Variants in SPTSSB observed in about 807,000 individuals in gnomAD.
The protein encoded by SPTSSB is serine palmitoyltransferase small subunit B.
A neutral mutation model predicts 7.7 loss-of-function variants in SPTSSB; 6 were observed. That is an observed-to-expected ratio of 0.78 (90% CI 0.43 to 1.54). SPTSSB has a LOEUF of 1.54. SPTSSB is among the 40% of genes most tolerant of loss of function. The pLI is 0.01. For missense variants in SPTSSB, 91 were observed against 93.0 expected (o/e 0.98, Z 0.09); for synonymous variants, 28 against 29.7 (o/e 0.94, Z 0.19).
chr3:161,355,065 G>C (rs2108159951), intron 2 of SPTSSB, among the ~76,000 whole-genome samples: 1 of 152,282 alleles, frequency 6.6e-6, no homozygotes, highest in East Asian at 1.9e-4. Flanking sequence ...TGCTTCTGCT[G>C]TCCTTTCACT....
At position 161,363,036 on chromosome 3, in the gene SPTSSB, T is replaced by C. The variant is rs560021945; in HGVS notation, c.-125-3142A>G. On this transcript the variant is annotated intron_variant, in intron 1 of 2. Transcript: ENST00000620149. ...ACCAAATTAATTTATCATTTTAAAA[T>C]AAGGTGTCAATTATGTTCTTAAGAG... 1.4e-3 allele frequency among the ~76,000 whole-genome samples: 212 copies of C among 152,070 alleles called. 1 individual carries two copies. Among genetic ancestry groups the C allele is most frequent in the Non-Finnish European group, 1.8e-3 (121 of 67,904 alleles).
In SPTSSB at chr3:161,371,381, C is replaced by T. The variant is rs572442430; in HGVS notation, c.-126+54G>A. 3.7e-5 allele frequency: 36 copies of T among 977,188 alleles called. No individual in the cohort carries two copies. In the African/African-American group the frequency reaches 5.1e-4, roughly 14 times the overall value. 60.5% of individuals were successfully genotyped at this position (977,188 alleles called of 1,614,324 possible). ...TTTTCCTCCTATAGAGACAGGAATT[C>T]TATCCTACTAAAGCTACTTAACAGT... is the stretch of plus-strand genomic sequence containing the variant. On this transcript the variant is annotated intron_variant, in intron 1 of 2. Transcript: ENST00000620149.
chr3:161,356,728 C>T (rs745557691), intron 2 of SPTSSB, among the ~76,000 whole-genome samples: 1 of 152,182 alleles, frequency 6.6e-6, no homozygotes, highest in Non-Finnish European at 1.5e-5. Flanking sequence ...TGACTGACAA[C>T]ATTGAACTTT....
intron 2 of SPTSSB, among the ~76,000 whole-genome samples, chr3:161,356,498 G>A (rs542827128): frequency 6.6e-6 from 1 of 152,270 alleles, no homozygotes; most frequent in East Asian, 1.9e-4. Context: ...AGCAAATCTG[G>A]TTGTATAAGG....
intron 2 of SPTSSB, among the ~76,000 whole-genome samples, chr3:161,351,838 A>G: frequency 6.6e-6 from 1 of 152,212 alleles, no homozygotes; most frequent in East Asian, 1.9e-4. Context: ...GAAAAATCCA[A>G]CTTTAAGGCT....
At chr3:161,349,402 T>A (rs562521377) in intron 2 of SPTSSB, among the ~76,000 whole-genome samples, 4 of 152,328 alleles carry the variant, frequency 2.6e-5, no homozygotes, top group African/African-American at 9.6e-5. Context: ...AGTCCTAAAT[T>A]TTCACAGTGA....
chr3:161,364,762 A>G (rs1715151289), intron 1 of SPTSSB, among the ~76,000 whole-genome samples: 1 of 152,072 alleles, frequency 6.6e-6, no homozygotes, highest in Non-Finnish European at 1.5e-5. Flanking sequence ...ATGAGGCACA[A>G]TTAGAATGTT....
intron 1 of SPTSSB, among the ~76,000 whole-genome samples, chr3:161,367,215 G>T (rs1262264448): frequency 6.6e-6 from 1 of 152,102 alleles, no homozygotes; most frequent in Non-Finnish European, 1.5e-5. Context: ...TAAATAAATT[G>T]CTGGACATTA....
Position 161,344,961 on chromosome 3 carries a change from A to G in SPTSSB, c.*1132T>C, listed in dbSNP as rs1318961385. On this transcript the variant is annotated 3_prime_UTR_variant, in exon 3 of 3. Transcript: ENST00000620149. ...ACCTTGGAAAAATTTTTTTCATAAC[A>G]CAAACAAGGGTGCAAATATTGTCCA... 6.6e-6 allele frequency: 1 copy of G among 152,608 alleles called. No individual in the cohort carries two copies. Among genetic ancestry groups the G allele is most frequent in the Non-Finnish European group, 1.5e-5 (1 of 68,040 alleles). The allele number at this position is 152,608 out of a possible 1,614,324, so 9.5% of individuals were successfully genotyped here.
At chr3:161,365,620 AT>A (rs1354380712) in intron 1 of SPTSSB, among the ~76,000 whole-genome samples, 1 of 152,224 alleles carries the variant, frequency 6.6e-6, no homozygotes, top group Non-Finnish European at 1.5e-5. Context: ...CTCAATCAAA[AT>A]TTGTTGAATG....
At chr3:161,356,878 G>A (rs1288834836) in intron 2 of SPTSSB, among the ~76,000 whole-genome samples, 1 of 152,024 alleles carries the variant, frequency 6.6e-6, no homozygotes, top group Admixed American at 6.6e-5. Context: ...GCACTTTGAG[G>A]GGCTGAGGTG....
intron 2 of SPTSSB, among the ~76,000 whole-genome samples, chr3:161,358,358 T>G (rs1272356960): frequency 6.6e-6 from 1 of 152,136 alleles, no homozygotes. Context: ...TGGGCTCTGG[T>G]CCTGTCTGGG....
chr3:161,365,137 C>T (rs937975577), intron 1 of SPTSSB, among the ~76,000 whole-genome samples: 24 of 152,242 alleles, frequency 1.6e-4, no homozygotes, highest in African/African-American at 4.6e-4. Context: ...ACTTATGTTT[C>T]GGAAGTTTGA....
At chr3:161,357,281 A>G (rs1714810183) in intron 2 of SPTSSB, among the ~76,000 whole-genome samples, 1 of 152,218 alleles carries the variant, frequency 6.6e-6, no homozygotes, top group South Asian at 2.1e-4. Context: ...TTAGAAGTGA[A>G]TTACTGCAAT....
chr3:161,365,842 A>G (rs1361043098), intron 1 of SPTSSB, among the ~76,000 whole-genome samples: 1 of 152,186 alleles, frequency 6.6e-6, no homozygotes, highest in Non-Finnish European at 1.5e-5. Flanking sequence ...GGCACCCATT[A>G]TATTTCACTA....
Position 161,346,037 on chromosome 3 carries a change from A to G in SPTSSB, c.*56T>C, listed in dbSNP as rs1049014211. 3.3e-6 allele frequency: 3 copies of G among 913,664 alleles called. No individual in the cohort carries two copies. The highest frequency in any genetic ancestry group is 1.6e-5 in the African/African-American group (1 of 61,316). The allele number at this position is 913,664 out of a possible 1,614,324, so 56.6% of individuals were successfully genotyped here. ...GAAGACACAATAGTTACCTAAATCA[A>G]TAAGCTGTAAGCAACATATAAATAT... On this transcript the variant is annotated 3_prime_UTR_variant, in exon 3 of 3. Transcript: ENST00000620149.
intron 1 of SPTSSB, among the ~76,000 whole-genome samples, chr3:161,369,362 C>CTT (rs1312578091): frequency 1.1e-4 from 6 of 52,880 alleles, no homozygotes; most frequent in Admixed American, 2.5e-4. Context: ...CTCTTTCTTT[C>CTT]TCTCTCTGTC....
chr3:161,360,291 A>G (rs1443606136), intron 1 of SPTSSB, among the ~76,000 whole-genome samples: 3 of 152,182 alleles, frequency 2.0e-5, no homozygotes, highest in African/African-American at 7.2e-5. Context: ...TGACTTTATT[A>G]ATCTCTCTGA....
chr3:161,357,871 CT>C (rs890004721), intron 2 of SPTSSB, among the ~76,000 whole-genome samples: 6 of 152,086 alleles, frequency 3.9e-5, no homozygotes, highest in Admixed American at 1.3e-4. Context: ...GCTGCCAACA[CT>C]TTGATTGCAG....
Sources: allele counts gnomAD v4.1 joint callset (sites outside exome capture counted in the v4.1 genomes callset), GRCh38; gene constraint gnomAD v4.1.1; transcripts MANE v1.5; gene names NCBI Gene and HGNC (gene_info 2026-07-23, HGNC 2026-07-21).